LTBP1: variants seen among roughly 807,000 people sequenced by gnomAD.
LTBP1 encodes latent-transforming growth factor beta-binding protein 1.
LTBP1 carries 129 observed loss-of-function variants against 207.6 expected under a neutral mutation model. The ratio of observed to expected loss-of-function variants is 0.62; its 90% CI spans 0.54 to 0.72. The LOEUF is 0.72. LTBP1 is among the 30% of genes least tolerant of loss of function. The probability of loss-of-function intolerance (pLI) is 0.00; values close to 1 mark genes in which losing one functional copy is unlikely to be tolerated. For synonymous variants in LTBP1, 963 were observed against 833.7 expected (o/e 1.16, Z -2.67); for missense variants, 2,281 against 2,217.2 (o/e 1.03, Z -0.58).
intron 2 of LTBP1, among the ~76,000 whole-genome samples, chr2:32,962,201 T>C (rs1367643297): frequency 6.6e-6 from 1 of 152,180 alleles, no homozygotes. Context: ...CTCCTAGAAG[T>C]TGGTTTGAAA....
At chr2:33,118,542 A>C (rs2080910029) in intron 4 of LTBP1, among the ~76,000 whole-genome samples, 1 of 152,228 alleles carries the variant, frequency 6.6e-6, no homozygotes, top group Non-Finnish European at 1.5e-5. Flanking sequence ...CCTGAAAGAA[A>C]GGCGTCTGCT....
intron 4 of LTBP1, among the ~76,000 whole-genome samples, chr2:33,131,149 T>A (rs1040050321): frequency 6.6e-6 from 1 of 152,218 alleles, no homozygotes; most frequent in Admixed American, 6.5e-5. Flanking sequence ...CCTTGCCCCA[T>A]GCTTCGGGTT....
chr2:32,976,406 G>A (rs1366039055), intron 2 of LTBP1, among the ~76,000 whole-genome samples: 1 of 152,196 alleles, frequency 6.6e-6, no homozygotes, highest in Non-Finnish European at 1.5e-5. Flanking sequence ...GGGGTGGGGT[G>A]CCAGTAGGAG....
intron 8 of LTBP1, among the ~76,000 whole-genome samples, chr2:33,217,941 G>A (rs955390614): frequency 2.0e-5 from 3 of 152,162 alleles, no homozygotes; most frequent in African/African-American, 4.8e-5. Context: ...TGTCTCAGGG[G>A]AAGAGAAAAT....
At chr2:33,033,131 G>C (rs2075762814) in intron 3 of LTBP1, among the ~76,000 whole-genome samples, 1 of 152,152 alleles carries the variant, frequency 6.6e-6, no homozygotes, top group African/African-American at 2.4e-5. Flanking sequence ...GTGCCAGGCA[G>C]TGTGCTAGCA....
At chr2:33,211,162 A>G (rs948886249) in intron 7 of LTBP1, among the ~76,000 whole-genome samples, 11 of 152,226 alleles carry the variant, frequency 7.2e-5, no homozygotes, top group Non-Finnish European at 5.9e-5. Context: ...AAATAGTAAG[A>G]TTAAGTAGTA....
At chr2:33,320,664 G>C (rs1321383719) in intron 24 of LTBP1, among the ~76,000 whole-genome samples, 1 of 152,178 alleles carries the variant, frequency 6.6e-6, no homozygotes, top group African/African-American at 2.4e-5. Context: ...GGACTTTCTT[G>C]CAGCTGTCAA....
intron 7 of LTBP1, among the ~76,000 whole-genome samples, chr2:33,198,764 T>C (rs2149036120): frequency 6.6e-6 from 1 of 152,342 alleles, no homozygotes; most frequent in Middle Eastern, 3.4e-3. Context: ...TCATTTTTTA[T>C]TGCGTCTATT....
intron 3 of LTBP1, among the ~76,000 whole-genome samples, chr2:33,026,982 C>T (rs1449542080): frequency 6.6e-6 from 1 of 152,186 alleles, no homozygotes; most frequent in East Asian, 1.9e-4. Context: ...CTTCCAATGC[C>T]AGAGATCAGT....
chr2:33,023,066 G>A (rs2075251572), intron 3 of LTBP1, among the ~76,000 whole-genome samples: 1 of 152,086 alleles, frequency 6.6e-6, no homozygotes, highest in Admixed American at 6.5e-5. Context: ...ATATAACTGT[G>A]TGTCCTTGGA....
intron 24 of LTBP1, among the ~76,000 whole-genome samples, chr2:33,330,400 T>A (rs2094479309): frequency 6.6e-6 from 1 of 151,956 alleles, no homozygotes. Flanking sequence ...TCTACTGCAA[T>A]GTTGACTAGA....
chr2:32,975,584 T>TTTTTTTTTTTTG (rs1681608334), intron 2 of LTBP1, among the ~76,000 whole-genome samples: 1 of 16,584 alleles, frequency 6.0e-5, no homozygotes, highest in African/African-American at 1.3e-4. Context: ...TCATTCTTTG[T>TTTTTTTTTTTTG]TTTTTTTTTT....
chr2:33,280,722 G>A (rs753393879), intron 19 of LTBP1, among the ~76,000 whole-genome samples: 3 of 152,124 alleles, frequency 2.0e-5, no homozygotes, highest in Admixed American at 6.6e-5. Flanking sequence ...GAATATGTGA[G>A]TTAAACTTTT....
chr2:33,056,663 T>C (rs2149569802), intron 3 of LTBP1, among the ~76,000 whole-genome samples: 1 of 152,080 alleles, frequency 6.6e-6, no homozygotes, highest in South Asian at 2.1e-4. Flanking sequence ...TTGGAGTTTC[T>C]TCCTTCTGGG....
chr2:33,189,662 A>G (rs953462112), intron 7 of LTBP1, among the ~76,000 whole-genome samples: 1 of 152,226 alleles, frequency 6.6e-6, no homozygotes, highest in Admixed American at 6.5e-5. Flanking sequence ...TGAGTTTTGA[A>G]TTCATTGTGC....
At chr2:33,116,175 G>C (rs1030714568) in intron 4 of LTBP1, among the ~76,000 whole-genome samples, 1 of 152,184 alleles carries the variant, frequency 6.6e-6, no homozygotes, top group Non-Finnish European at 1.5e-5. Flanking sequence ...GATTAGCGAA[G>C]CTCCAATTTA....
At chr2:33,193,163 A>T (rs913837141) in intron 7 of LTBP1, among the ~76,000 whole-genome samples, 6 of 152,178 alleles carry the variant, frequency 3.9e-5, no homozygotes, top group Non-Finnish European at 5.9e-5. Context: ...TTGTTTTGAG[A>T]TGGAGTCTCT....
At chr2:33,149,946 A>T (rs2083377938) in intron 5 of LTBP1, among the ~76,000 whole-genome samples, 1 of 152,236 alleles carries the variant, frequency 6.6e-6, no homozygotes, top group Non-Finnish European at 1.5e-5. Flanking sequence ...TTTCTAACCC[A>T]AACATCTTTA....
chr2:32,949,038 C>A (rs570738596), intron 2 of LTBP1, 93 bp downstream of exon 2: 8 of 1,238,042 alleles, frequency 6.5e-6, no homozygotes, highest in Non-Finnish European at 7.1e-6. Context: ...CTTGAAAGGG[C>A]TCGGGGGAAG....
Sources: gnomAD v4.1 joint callset for allele counts (sites outside exome capture counted in the v4.1 genomes callset) on GRCh38, gnomAD v4.1.1 for gene constraint, MANE v1.5 for transcripts, NCBI Gene and HGNC (gene_info 2026-07-23, HGNC 2026-07-21) for gene names.